The following WDR19 variants were observed in gnomAD, a reference collection of about 807,000 sequenced individuals.
WDR19 encodes the protein WD repeat-containing protein 19.
Under a neutral mutation model 180.0 loss-of-function variants are expected in WDR19, and 121 were observed. The observed-to-expected ratio is 0.67, with a 90% confidence interval of 0.58 to 0.78. The LOEUF (loss-of-function observed/expected upper bound fraction) is 0.78, where lower values mean the gene tolerates loss of function less well. Among genes scored for constraint, WDR19 ranks in the 30% least tolerant of loss-of-function variants. WDR19 has a pLI of 0.00. For synonymous variants in WDR19, 497 were observed against 540.7 expected, an observed-to-expected ratio of 0.92 and a Z score of 1.12; for missense variants, 1,450 against 1,640.7, an observed-to-expected ratio of 0.88 and a Z score of 2.01.
chr4:39,192,750 C>T (rs1208889608), intron 4 of WDR19, among the ~76,000 whole-genome samples: 1 of 152,186 alleles, frequency 6.6e-6, no homozygotes, highest in African/African-American at 2.4e-5. Context: ...GCGTGAGCCA[C>T]CGTGCCCAGC....
chr4:39,224,617 C>T (rs1025076507), intron 14 of WDR19, among the ~76,000 whole-genome samples: 6 of 151,998 alleles, frequency 3.9e-5, no homozygotes, highest in Admixed American at 1.3e-4. Flanking sequence ...AGGCTGGTCT[C>T]GAATTCCTTA....
intron 20 of WDR19, among the ~76,000 whole-genome samples, chr4:39,239,072 G>A (rs1293935319): frequency 1.3e-5 from 2 of 152,046 alleles, no homozygotes; most frequent in African/African-American, 4.8e-5. Context: ...TGCCTCCCGG[G>A]TTCAAGCAAT....
At chr4:39,186,692 G>A (rs1725594039) in intron 3 of WDR19, 88 bp downstream of exon 3, 1 of 880,982 alleles carries the variant, frequency 1.1e-6, no homozygotes, top group South Asian at 2.0e-5. Flanking sequence ...ATAATCAGAT[G>A]GAATCTTTTG....
At chr4:39,269,941 T>C in intron 30 of WDR19, 35 bp from the exon 31 acceptor site, 1 of 1,610,664 alleles carries the variant, frequency 6.2e-7, no homozygotes, top group Non-Finnish European at 8.5e-7. Flanking sequence ...GATGTCACCC[T>C]TTGCAGTAAT....
intron 5 of WDR19, among the ~76,000 whole-genome samples, chr4:39,198,645 C>T (rs1448738226): frequency 2.0e-5 from 3 of 152,162 alleles, no homozygotes; most frequent in Non-Finnish European, 2.9e-5. Flanking sequence ...ACAGGTGCAT[C>T]GCTTGAGCTC....
At position 39,228,248 on chromosome 4, in the gene WDR19, A is replaced by C. The variant is rs1442918146; in HGVS notation, c.1668A>C (p.Pro556=). The C allele has an allele frequency of 6.2e-7, 1 of 1,613,374 alleles. No individual in the cohort carries two copies. Among genetic ancestry groups the C allele is most frequent in the Non-Finnish European group, 8.5e-7 (1 of 1,179,678 alleles). The change falls in exon 16 of 37, where the codon CCA becomes CCC. Residue 556 remains proline, a synonymous_variant. Transcript: ENST00000399820. ...CCTATGAGATTCCAGATTTTTCACC[A>C]ACCATTAAAGGTGTTCTTTGGGAAA... is the stretch of plus-strand genomic sequence containing the variant. ...DATYEIPDFS[P]TIKGVLWENW...
chr4:39,245,297 C>T, intron 23 of WDR19, 72 bp from the exon 24 acceptor site: 1 of 1,256,064 alleles, frequency 8.0e-7, no homozygotes, highest in Non-Finnish European at 1.1e-6. Flanking sequence ...TAAAACCTAA[C>T]ATTTGGTTAT....
In WDR19 at chr4:39,278,711, C is replaced by A. The variant is rs186033756; in HGVS notation, c.*13+48C>A. ...ACCTTCTGGGCGCAAGGGCCCACAG[C>A]GTGCACGCAGCTTTTCACTGTGTAT... On this transcript the variant is annotated intron_variant, in intron 36 of 36. Coordinates refer to ENST00000399820, the MANE Select transcript of WDR19 (RefSeq NM_025132.4). 7.8e-5 allele frequency: 90 copies of A among 1,155,666 alleles called. No individual in the cohort carries two copies. In the African/African-American group the frequency reaches 1.2e-3, roughly 16 times the overall value. The allele number at this position is 1,155,666 out of a possible 1,614,324, so 71.6% of individuals were successfully genotyped here. A position where few individuals can be genotyped will look rare whatever the true frequency, so the allele number is the denominator to read the frequency against.
intron 24 of WDR19, among the ~76,000 whole-genome samples, chr4:39,247,199 A>G (rs1327808560): frequency 2.0e-5 from 3 of 152,184 alleles, no homozygotes; most frequent in Admixed American, 6.5e-5. Flanking sequence ...CGGTTCACCA[A>G]TATCCACTGT....
Position 39,285,669 on chromosome 4 carries a change from GTA to G in WDR19, c.*200_*201del, listed in dbSNP as rs1254595503. ...GTAACCTTGCTGTTTATTGTACTTT[GTA>G]TATTATTTCCTCTTCAAAGTCTTTC... On this transcript the variant is annotated 3_prime_UTR_variant, in exon 37 of 37. Coordinates refer to ENST00000399820, the MANE Select transcript of WDR19 (RefSeq NM_025132.4). 6.6e-6 allele frequency: 1 copy of G among 152,140 alleles called. No individual in the cohort carries two copies. The highest frequency in any genetic ancestry group is 1.5e-5 in the Non-Finnish European group (1 of 68,024). 9.4% of individuals were successfully genotyped at this position (152,140 alleles called of 1,614,324 possible).
At position 39,277,059 on chromosome 4, in the gene WDR19, A is replaced by G. The variant is rs767951911; in HGVS notation, c.3756A>G (p.Pro1252=). The G allele has an allele frequency of 6.2e-7, 1 of 1,613,980 alleles. No individual in the cohort carries two copies. The highest frequency in any genetic ancestry group is 8.5e-7 in the Non-Finnish European group (1 of 1,179,874). ...DISEIEEATT[P]CPFCKFLLPE... ...CTGAGATAGAAGAGGCCACGACTCC[A>G]TGTCCATTCTGCAAATTTCTTCTCC... The change falls in exon 34 of 37, where the codon CCA becomes CCG. Residue 1252 remains proline (P), a synonymous_variant. Transcript: ENST00000399820.
chr4:39,195,127 G>A (rs963101335), intron 5 of WDR19, among the ~76,000 whole-genome samples: 3 of 152,028 alleles, frequency 2.0e-5, no homozygotes, highest in African/African-American at 7.2e-5. Context: ...CAGCACTTTG[G>A]GAGGCCAAGA....
At chr4:39,260,665 C>G (rs1306320904) in intron 28 of WDR19, among the ~76,000 whole-genome samples, 1 of 152,134 alleles carries the variant, frequency 6.6e-6, no homozygotes, top group Admixed American at 6.5e-5. Context: ...CTTAAATCAA[C>G]TTGGGCTGCC....
At chr4:39,244,223 G>GT in intron 21 of WDR19, 25 bp from the exon 22 acceptor site, 1 of 1,603,700 alleles carries the variant, frequency 6.2e-7, no homozygotes, top group Non-Finnish European at 8.5e-7. Flanking sequence ...AATCTGATTT[G>GT]TTAGTGTTTG....
chr4:39,238,050 C>T (rs369769714), intron 20 of WDR19: 7 of 152,174 alleles, frequency 4.6e-5, no homozygotes, highest in African/African-American at 1.2e-4. Context: ...ATGAAGCCAC[C>T]GATTCTCAAA....
intron 28 of WDR19, among the ~76,000 whole-genome samples, chr4:39,262,398 G>A (rs190476934): frequency 3.3e-5 from 5 of 151,988 alleles, no homozygotes; most frequent in Admixed American, 1.3e-4. Flanking sequence ...ACATGCCACC[G>A]CACCCGGCCA....
intron 4 of WDR19, among the ~76,000 whole-genome samples, chr4:39,190,640 G>A (rs959490548): frequency 2.0e-5 from 3 of 152,162 alleles, no homozygotes; most frequent in Admixed American, 2.0e-4. Context: ...AGGAATAACT[G>A]AACCCAGAGA....
At chr4:39,261,807 T>C (rs1196553699) in intron 28 of WDR19, among the ~76,000 whole-genome samples, 1 of 152,222 alleles carries the variant, frequency 6.6e-6, no homozygotes, top group Non-Finnish European at 1.5e-5. Context: ...TACTTTCTCA[T>C]TGTTGTGTTT....
At chr4:39,258,855 G>A (rs550288612) in intron 28 of WDR19, among the ~76,000 whole-genome samples, 1 of 152,242 alleles carries the variant, frequency 6.6e-6, no homozygotes, top group East Asian at 1.9e-4. Flanking sequence ...ATCACTTGAG[G>A]TCAGGACTTC....
Sources: allele counts gnomAD v4.1 joint callset (sites outside exome capture counted in the v4.1 genomes callset), GRCh38; gene constraint gnomAD v4.1.1; transcripts MANE v1.5; gene names NCBI Gene and HGNC (gene_info 2026-07-23, HGNC 2026-07-21).